The following RYR3 variants were observed in gnomAD, a reference collection of about 807,000 sequenced individuals.
The protein encoded by RYR3 is brain ryanodine receptor-calcium release channel.
In RYR3, 207 loss-of-function variants were observed where a neutral mutation model predicts 584.3. The ratio of observed to expected loss-of-function variants is 0.35; its 90% confidence interval spans 0.32 to 0.40. RYR3 has a LOEUF of 0.40. Ranked by LOEUF, RYR3 falls within the 10% of genes least tolerant of loss-of-function variation. The pLI, the probability that RYR3 is intolerant of heterozygous loss-of-function variation, is 1.00. For missense variants in RYR3, 5,616 were observed against 6,089.2 expected (o/e 0.92, Z 2.59); for synonymous variants, 2,416 against 2,248.5 (o/e 1.07, Z -2.11).
intron 1 of RYR3, among the ~76,000 whole-genome samples, chr15:33,320,919 C>G (rs1968877733): frequency 6.6e-6 from 1 of 152,180 alleles, no homozygotes; most frequent in African/African-American, 2.4e-5. Context: ...TGGGATTATT[C>G]CATAGTCTTG....
chr15:33,524,003 G>C (rs1447758725), intron 3 of RYR3, among the ~76,000 whole-genome samples: 1 of 152,160 alleles, frequency 6.6e-6, no homozygotes, highest in Non-Finnish European at 1.5e-5. Context: ...CGTTTCCTGA[G>C]GATCCTGGCA....
chr15:33,517,666 C>T (rs2053632557), intron 3 of RYR3, among the ~76,000 whole-genome samples: 1 of 152,162 alleles, frequency 6.6e-6, no homozygotes, highest in Admixed American at 6.5e-5. Context: ...CAAAGTGACC[C>T]AGGCTCATCT....
At chr15:33,465,123 GGTTCATCC>G (rs1441499642) in intron 1 of RYR3, among the ~76,000 whole-genome samples, 1 of 152,028 alleles carries the variant, frequency 6.6e-6, no homozygotes, top group African/African-American at 2.4e-5. Flanking sequence ...TGCCACATTT[GGTTCATCC>G]GTTCATCTGT....
chr15:33,540,264 T>A (rs941535668), intron 6 of RYR3, among the ~76,000 whole-genome samples: 2 of 152,082 alleles, frequency 1.3e-5, no homozygotes, highest in East Asian at 3.9e-4. Context: ...AAATGTACAA[T>A]GTTTCAGGAC....
intron 38 of RYR3, among the ~76,000 whole-genome samples, chr15:33,686,067 G>A (rs1487467323): frequency 6.6e-6 from 1 of 152,104 alleles, no homozygotes; most frequent in African/African-American, 2.4e-5. Flanking sequence ...TCAAAAGCTA[G>A]CAGAAGGCAA....
intron 3 of RYR3, among the ~76,000 whole-genome samples, chr15:33,517,672 C>T (rs1022222498): frequency 1.3e-5 from 2 of 152,164 alleles, no homozygotes; most frequent in African/African-American, 2.4e-5. Context: ...GACCCAGGCT[C>T]ATCTTAATTT....
chr15:33,799,441 C>CA (rs35650879), intron 67 of RYR3, among the ~76,000 whole-genome samples: 28,429 of 151,872 alleles, frequency 0.19, 3,127 homozygotes, highest in East Asian at 0.55. Context: ...GGAGCCACCA[C>CA]AAAAAAACCC....
chr15:33,809,569 G>A (rs943304227), intron 70 of RYR3, among the ~76,000 whole-genome samples: 6 of 151,744 alleles, frequency 4.0e-5, no homozygotes, highest in East Asian at 1.9e-4. Context: ...GTTCCCTGGG[G>A]CTGCTATTGT....
intron 1 of RYR3, among the ~76,000 whole-genome samples, chr15:33,466,801 C>G (rs2048526306): frequency 6.6e-6 from 1 of 152,160 alleles, no homozygotes; most frequent in Admixed American, 6.5e-5. Context: ...ACGATTCTTT[C>G]ACTGAATTCA....
chr15:33,670,335 A>T, intron 37 of RYR3, 84 bp from the exon 38 acceptor site: 1 of 1,399,248 alleles, frequency 7.1e-7, no homozygotes, highest in South Asian at 1.2e-5. Context: ...GAAGGATGGG[A>T]AGCAGTTTTT....
chr15:33,455,755 G>A (rs2676086), intron 1 of RYR3, among the ~76,000 whole-genome samples: 88,226 of 151,772 alleles, frequency 0.58, 26,567 homozygotes, highest in African/African-American at 0.76. Context: ...GGTCCTGGAA[G>A]AAAAAAGTAT....
At chr15:33,803,617 G>A (rs539038960) in intron 69 of RYR3, among the ~76,000 whole-genome samples, 6 of 152,254 alleles carry the variant, frequency 3.9e-5, no homozygotes, top group African/African-American at 1.2e-4. Flanking sequence ...CCAGATTCAA[G>A]CAATTCTTCT....
intron 1 of RYR3, among the ~76,000 whole-genome samples, chr15:33,317,000 G>A (rs1421969003): frequency 6.6e-6 from 1 of 152,218 alleles, no homozygotes; most frequent in Admixed American, 6.5e-5. Context: ...AGTCAAGGCA[G>A]TGGGTGTGAT....
chr15:33,338,737 C>T (rs958004166), intron 1 of RYR3, among the ~76,000 whole-genome samples: 1 of 152,060 alleles, frequency 6.6e-6, no homozygotes, highest in Non-Finnish European at 1.5e-5. Context: ...ATTTAATTTC[C>T]TTTCACATAC....
At chr15:33,335,969 TAAAGAC>T (rs1414223346) in intron 1 of RYR3, among the ~76,000 whole-genome samples, 3 of 152,048 alleles carry the variant, frequency 2.0e-5, no homozygotes, top group Non-Finnish European at 4.4e-5. Flanking sequence ...AAATAAATGA[TAAAGAC>T]AAGAACAGCA....
At chr15:33,596,495 T>TGGG (rs71117157) in intron 16 of RYR3, among the ~76,000 whole-genome samples, 1,694 of 132,228 alleles carry the variant, frequency 0.013, 15 homozygotes, top group Non-Finnish European at 0.02. Context: ...GTTCTTTTTT[T>TGGG]GGGGGGGGGG....
intron 3 of RYR3, among the ~76,000 whole-genome samples, chr15:33,511,842 G>A (rs1260858377): frequency 6.6e-6 from 1 of 152,226 alleles, no homozygotes; most frequent in South Asian, 2.1e-4. Context: ...GCAGTGGCGC[G>A]ATCTCGGCTC....
chr15:33,850,014 C>G (rs898388655), intron 94 of RYR3: 2 of 152,176 alleles, frequency 1.3e-5, no homozygotes, highest in Admixed American at 6.5e-5. Flanking sequence ...CTTTGGTAAG[C>G]TTTGTGCAAT....
chr15:33,806,474 G>A (rs142097503), intron 69 of RYR3, among the ~76,000 whole-genome samples: 152 of 150,924 alleles, frequency 1.0e-3, no homozygotes, highest in African/African-American at 2.9e-3. Flanking sequence ...GCAACATAGC[G>A]AAACCCTGTC....
Sources: allele counts gnomAD v4.1 joint callset (sites outside exome capture counted in the v4.1 genomes callset), GRCh38; gene constraint gnomAD v4.1.1; transcripts MANE v1.5; gene names NCBI Gene and HGNC (gene_info 2026-07-23, HGNC 2026-07-21).